Variants in JAKMIP3 observed in about 807,000 individuals in gnomAD.
JAKMIP3 encodes Janus kinase and microtubule interacting protein 3.
JAKMIP3 carries 58 observed loss-of-function variants against 118.5 expected under a neutral mutation model. The ratio of observed to expected loss-of-function variants is 0.49; its 90% confidence interval spans 0.40 to 0.61. JAKMIP3 has a LOEUF of 0.61. JAKMIP3 is among the 20% of genes least tolerant of loss of function. The pLI, the probability that JAKMIP3 is intolerant of heterozygous loss-of-function variation, is 0.00. For missense variants in JAKMIP3, 950 were observed against 1,109.0 expected (o/e 0.86, Z 2.04); for synonymous variants, 486 against 451.2 (o/e 1.08, Z -0.98).
rs201739314 is a variant in JAKMIP3, at chr10:132,149,466, G to A, written c.1903G>A (p.Gly635Arg). 6.1e-4 allele frequency: 972 copies of A among 1,605,500 alleles called. 2 individuals carry two copies. The highest frequency in any genetic ancestry group is 1.9e-3 in the Admixed American group (111 of 59,402). ...CTTCCACCACACGCCCTTCGTGGAC[G>A]GGAAGAGCCCCCTCCAGGTGTACTG... ...ISFHHTPFVDGKSPLQVYCEA... is the reference protein window; with the variant it reads ...ISFHHTPFVDRKSPLQVYCEA... Residue 635 changes from glycine to arginine, a missense_variant, in exon 15 of 24, where the codon GGG (glycine) becomes AGG (arginine). Gly to Arg is a moderately radical substitution (Grantham distance 125). Coordinates refer to ENST00000684848, the MANE Select transcript of JAKMIP3 (RefSeq NM_001323087.2).
chr10:132,142,065 C>CTG lies in JAKMIP3; in HGVS notation c.1602+17_1602+18insTG, dbSNP rs1554948001. ...GAAGTTAAGGTCTACGTGACTTCCA[C>CTG]CGCGCGTTCCGGCCCCCCTCGTGCC... On this transcript the variant is annotated intron_variant, in intron 11 of 23. Coordinates refer to ENST00000684848, the MANE Select transcript of JAKMIP3 (RefSeq NM_001323087.2). The CTG allele has an allele frequency of 7.0e-5, 111 of 1,588,296 alleles. 2 individuals carry two copies. Among genetic ancestry groups the CTG allele is most frequent in the South Asian group, 5.3e-4 (46 of 87,550 alleles).
At chr10:132,142,946 G>A (rs2053840448) in intron 11 of JAKMIP3, among the ~76,000 whole-genome samples, 1 of 152,136 alleles carries the variant, frequency 6.6e-6, no homozygotes, top group Non-Finnish European at 1.5e-5. Context: ...GGGGCGAGGG[G>A]AGAGTGTCCA....
At chr10:132,079,190 G>T (rs1181893723) in intron 1 of JAKMIP3, among the ~76,000 whole-genome samples, 1 of 139,446 alleles carries the variant, frequency 7.2e-6, no homozygotes, top group South Asian at 2.3e-4. Context: ...TGTGGACCCC[G>T]GTAGCCTCGC....
At chr10:132,074,126 A>G (rs2040408992) in intron 1 of JAKMIP3, among the ~76,000 whole-genome samples, 1 of 152,200 alleles carries the variant, frequency 6.6e-6, no homozygotes, top group Non-Finnish European at 1.5e-5. Context: ...ATCTCGGCTC[A>G]TTGCAACCTC....
At chr10:132,170,802 C>T (rs2059419554) in intron 23 of JAKMIP3, among the ~76,000 whole-genome samples, 1 of 152,232 alleles carries the variant, frequency 6.6e-6, no homozygotes, top group Non-Finnish European at 1.5e-5. Context: ...AAGCCACAGG[C>T]TCATTGTGGA....
intron 10 of JAKMIP3, among the ~76,000 whole-genome samples, chr10:132,141,153 G>A (rs1413045836): frequency 6.6e-6 from 1 of 152,208 alleles, no homozygotes; most frequent in Non-Finnish European, 1.5e-5. Flanking sequence ...AAGGAGTGGG[G>A]TCTGCAGTCA....
chr10:132,138,017 CT>C (rs1261397387), intron 8 of JAKMIP3, 101 bp from the exon 9 acceptor site: 1 of 1,125,280 alleles, frequency 8.9e-7, no homozygotes, highest in Non-Finnish European at 1.3e-6. Flanking sequence ...CAGACACCGT[CT>C]TCCCTGTCAT....
intron 9 of JAKMIP3, 125 bp from the exon 10 acceptor site, chr10:132,140,326 A>C: frequency 2.4e-6 from 3 of 1,267,014 alleles, no homozygotes; most frequent in East Asian, 3.1e-5. Flanking sequence ...TGCCAGGGAC[A>C]GAGATGGGAG....
intron 19 of JAKMIP3, among the ~76,000 whole-genome samples, chr10:132,155,203 A>C (rs963277350): frequency 9.4e-5 from 14 of 149,592 alleles, no homozygotes; most frequent in Middle Eastern, 3.5e-3. Context: ...TGATGGTGAC[A>C]ATAGTGATCA....
intron 23 of JAKMIP3, among the ~76,000 whole-genome samples, chr10:132,180,676 C>CGCGTGTGTGTGTGT (rs1554963146): frequency 4.4e-4 from 2 of 4,574 alleles, no homozygotes; most frequent in African/African-American, 1.6e-3. Context: ...CGTGTGTGTG[C>CGCGTGTGTGTGTGT]GCGCGCGTGT....
Position 132,168,180 on chromosome 10 carries a change from G to T in JAKMIP3, c.*250G>T. 2.3e-6 allele frequency: 3 copies of T among 1,288,392 alleles called. No homozygotes were observed. The highest frequency in any genetic ancestry group is 3.0e-6 in the Non-Finnish European group (3 of 988,262). 79.8% of individuals were successfully genotyped at this position (1,288,392 alleles called of 1,614,324 possible). On this transcript the variant is annotated 3_prime_UTR_variant, in exon 23 of 24. Coordinates refer to ENST00000684848, the MANE Select transcript of JAKMIP3 (RefSeq NM_001323087.2). ...CTTCTCGGGGGCTTCTCCGGGACGG[G>T]CCTGGCCTTGGCTGCTGGACCCTGG...
chr10:132,129,892 T>TC (rs1376616861), intron 3 of JAKMIP3, among the ~76,000 whole-genome samples: 1 of 145,100 alleles, frequency 6.9e-6, no homozygotes, highest in Non-Finnish European at 1.5e-5. Flanking sequence ...TTTTTTTTTT[T>TC]CCTTCAGAAA....
intron 1 of JAKMIP3, among the ~76,000 whole-genome samples, chr10:132,052,606 G>A (rs1246861697): frequency 6.6e-6 from 1 of 152,026 alleles, no homozygotes; most frequent in East Asian, 1.9e-4. Context: ...TTAATTCCAG[G>A]TAATTTGTTC....
intron 2 of JAKMIP3, among the ~76,000 whole-genome samples, chr10:132,111,963 T>A (rs2046948100): frequency 6.6e-6 from 1 of 151,448 alleles, no homozygotes; most frequent in Admixed American, 6.6e-5. Flanking sequence ...AGGGGTAGAA[T>A]CTGTGGGTGG....
rs1554963421 is a variant in JAKMIP3, at chr10:132,180,750, C to CGCGCGTGTGTGTGTGT, written c.*1104-1604_*1104-1603insCGTGTGTGTGTGTGCG. ...GTGTGCGTGTGTGCGTGCGTGCGCG[C>CGCGCGTGTGTGTGTGT]GCGTGTGTGCGTGTGTGTGCGTGTG... On this transcript the variant is annotated intron_variant, in intron 23 of 23. Coordinates refer to ENST00000684848, the MANE Select transcript of JAKMIP3 (RefSeq NM_001323087.2). Among the ~76,000 whole-genome samples the CGCGCGTGTGTGTGTGT allele has an allele frequency of 4.7e-4, 6 of 12,700 alleles. 2 individuals carry two copies. Among genetic ancestry groups the CGCGCGTGTGTGTGTGT allele is most frequent in the Admixed American group, 4.2e-3 (5 of 1,180 alleles). 8.3% of individuals were successfully genotyped at this position (12,700 alleles called of 152,430 possible).
intron 1 of JAKMIP3, among the ~76,000 whole-genome samples, chr10:132,038,983 A>T (rs1169838352): frequency 2.0e-5 from 3 of 151,944 alleles, no homozygotes; most frequent in African/African-American, 7.3e-5. Context: ...CACACCCTTC[A>T]CCCAGCGGAG....
At chr10:132,041,952 C>T (rs1003679349) in intron 1 of JAKMIP3, among the ~76,000 whole-genome samples, 1 of 151,946 alleles carries the variant, frequency 6.6e-6, no homozygotes, top group East Asian at 1.9e-4. Flanking sequence ...CTGCACCCTC[C>T]ACCTCCCAGG....
At chr10:132,109,412 GA>G (rs1480006848) in intron 2 of JAKMIP3, among the ~76,000 whole-genome samples, 1 of 152,210 alleles carries the variant, frequency 6.6e-6, no homozygotes, top group Non-Finnish European at 1.5e-5. Flanking sequence ...ATTAACGAAT[GA>G]CCTCATTTGG....
chr10:132,108,153 C>G (rs1050411062), intron 2 of JAKMIP3, among the ~76,000 whole-genome samples: 19 of 152,246 alleles, frequency 1.2e-4, no homozygotes, highest in Non-Finnish European at 2.5e-4. Context: ...ATATTCTCAT[C>G]TCTGCCAGGG....
Sources: allele counts gnomAD v4.1 joint callset (sites outside exome capture counted in the v4.1 genomes callset), GRCh38; gene constraint gnomAD v4.1.1; transcripts MANE v1.5; gene names NCBI Gene and HGNC (gene_info 2026-07-23, HGNC 2026-07-21).